The following SLC22A15 variants were observed in gnomAD, a reference collection of about 807,000 sequenced individuals.
SLC22A15 encodes solute carrier family 22 member 15.
Under a neutral mutation model 62.7 loss-of-function variants are expected in SLC22A15, and 45 were observed. The observed-to-expected ratio is 0.72, with a 90% CI of 0.56 to 0.92. The LOEUF is 0.92. Among genes scored for constraint, SLC22A15 ranks in the 40% least tolerant of loss-of-function variants. SLC22A15 has a pLI of 0.00. For synonymous variants in SLC22A15, 264 were observed against 267.0 expected (o/e 0.99, Z 0.11); for missense variants, 622 against 665.6 (o/e 0.93, Z 0.72).
Position 116,066,583 on chromosome 1 carries a change from C to T in SLC22A15, c.1429C>T (p.Leu477=). Residue 477 remains leucine (L), a synonymous_variant, in exon 11 of 12, where the codon CTG becomes TTG. Transcript: ENST00000369503. ...AGCCACGGGTCTGACCTCCGGCCTCCTGAGTTTGTTATTGCCGGAGACCCT... is the reference window on the plus strand; with the variant it reads ...AGCCACGGGTCTGACCTCCGGCCTCTTGAGTTTGTTATTGCCGGAGACCCT... ...FGATGLTSGL[L]SLLLPETLNS... is the part of the protein sequence containing the mutation. 6.2e-7 allele frequency: 1 copy of T among 1,608,460 alleles called. No homozygotes were observed. Among genetic ancestry groups the T allele is most frequent in the South Asian group, 1.1e-5 (1 of 89,818 alleles).
intron 8 of SLC22A15, among the ~76,000 whole-genome samples, chr1:116,055,304 G>T (rs1419234230): frequency 1.3e-5 from 2 of 152,148 alleles, no homozygotes; most frequent in African/African-American, 4.8e-5. Flanking sequence ...AGAAAATCTA[G>T]AAGAAATGGA....
At chr1:116,026,855 T>C in intron 4 of SLC22A15, 38 bp from the exon 5 acceptor site, 1 of 1,607,678 alleles carries the variant, frequency 6.2e-7, no homozygotes, top group Non-Finnish European at 8.5e-7. Flanking sequence ...CTGCAGATGG[T>C]GCTTTCTCCA....
In SLC22A15 at chr1:115,997,401, A is replaced by T. The variant is rs576276962; in HGVS notation, c.300+5158A>T. On this transcript the variant is annotated intron_variant, in intron 2 of 11. Transcript: ENST00000369503. The stretch of plus-strand genomic sequence containing the variant: ...GTAGATTGCTTTGGGTAGAATGGAC[A>T]TTTTAACAATATTGATTCTTCCAAT... Among the ~76,000 whole-genome samples the T allele has an allele frequency of 3.9e-5, 6 of 152,272 alleles. No individual in the cohort carries two copies. In the South Asian group the frequency reaches 6.2e-4, roughly 16 times the overall value.
At position 116,069,961 on chromosome 1, in the gene SLC22A15, T is replaced by C. The variant is rs1407089346; in HGVS notation, c.*2853T>C. On this transcript the variant is annotated 3_prime_UTR_variant, in exon 12 of 12. Transcript: ENST00000369503. The stretch of plus-strand genomic sequence containing the variant: ...AAATGCTTTATCATTGGTTCTTAAA[T>C]TGGAAAAATATCTATAAATGATTAC... 6.6e-6 allele frequency: 1 copy of C among 152,194 alleles called. No individual in the cohort carries two copies. Among genetic ancestry groups the C allele is most frequent in the African/African-American group, 2.4e-5 (1 of 41,462 alleles). 9.4% of individuals were successfully genotyped at this position (152,194 alleles called of 1,614,324 possible). A position where few individuals can be genotyped will look rare whatever the true frequency, so the allele number is the denominator to read the frequency against.
In SLC22A15 at chr1:116,031,242, A is replaced by G. The variant is rs1570752457; in HGVS notation, c.729-124A>G. On this transcript the variant is annotated intron_variant, in intron 5 of 11. Transcript: ENST00000369503. The stretch of plus-strand genomic sequence containing the variant: ...TTTCATATGTTATTGGGAGAGTCAA[A>G]CTTTAAGTCTAACATGGAATCCCAT... 8 of 697,534 alleles carry G rather than the reference A, an allele frequency of 1.1e-5. No homozygotes were observed. The East Asian group carries it at 1.9e-4, about 17-fold the overall frequency. The allele number at this position is 697,534 out of a possible 1,614,324, so 43.2% of individuals were successfully genotyped here.
At chr1:116,059,252 C>T (rs2101562107) in intron 8 of SLC22A15, among the ~76,000 whole-genome samples, 1 of 152,228 alleles carries the variant, frequency 6.6e-6, no homozygotes, top group South Asian at 2.1e-4. Context: ...ATGGTATAGA[C>T]ACTTCAGAAA....
intron 2 of SLC22A15, 30 bp from the exon 3 acceptor site, chr1:116,019,552 A>G: frequency 1.3e-6 from 2 of 1,572,388 alleles, no homozygotes; most frequent in Non-Finnish European, 1.7e-6. Flanking sequence ...TGAATCCTAC[A>G]TGTCTCTCTT....
At chr1:116,018,844 G>A (rs2101302088) in intron 2 of SLC22A15, among the ~76,000 whole-genome samples, 1 of 152,288 alleles carries the variant, frequency 6.6e-6, no homozygotes, top group Non-Finnish European at 1.5e-5. Context: ...ATGGATACTA[G>A]AACTTATTCT....
chr1:116,060,688 T>C lies in SLC22A15; in HGVS notation c.1172-2074T>C, dbSNP rs529624569. On this transcript the variant is annotated intron_variant, in intron 8 of 11. Transcript: ENST00000369503. ...CTCATTCTGTTTCCTGGAAAATAAT[T>C]GATGAATTTAATTTGCCCTCATTAT... 5.3e-3 allele frequency among the ~76,000 whole-genome samples: 810 copies of C among 152,316 alleles called. 2 individuals carry two copies. Among genetic ancestry groups the C allele is most frequent in the Middle Eastern group, 0.01 (3 of 294 alleles).
At chr1:116,034,231 T>C (rs952959172) in intron 6 of SLC22A15, among the ~76,000 whole-genome samples, 1 of 152,226 alleles carries the variant, frequency 6.6e-6, no homozygotes, top group African/African-American at 2.4e-5. Context: ...ACCAAACATA[T>C]TCATATTTTT....
At chr1:115,979,784 C>G (rs533407117) in intron 1 of SLC22A15, among the ~76,000 whole-genome samples, 26 of 152,166 alleles carry the variant, frequency 1.7e-4, no homozygotes, top group Admixed American at 1.6e-3. Flanking sequence ...CTTCTTTGTT[C>G]TAAGCCAGAG....
intron 8 of SLC22A15, among the ~76,000 whole-genome samples, chr1:116,054,591 A>C (rs1658152113): frequency 6.6e-6 from 1 of 152,174 alleles, no homozygotes; most frequent in Non-Finnish European, 1.5e-5. Context: ...ACCCCAAATC[A>C]ACAGAATATA....
chr1:116,062,681 T>C, intron 8 of SLC22A15, 81 bp from the exon 9 acceptor site: 1 of 1,544,046 alleles, frequency 6.5e-7, no homozygotes, highest in Admixed American at 1.7e-5. Flanking sequence ...GAATGCCACC[T>C]GCTCCATCAA....
At chr1:116,006,008 GCT>G (rs1212335779) in intron 2 of SLC22A15, among the ~76,000 whole-genome samples, 8 of 152,160 alleles carry the variant, frequency 5.3e-5, no homozygotes, top group Admixed American at 3.3e-4. Flanking sequence ...TGGCGAATGG[GCT>G]CTCTGAAGAG....
chr1:115,979,579 C>T lies in SLC22A15; in HGVS notation c.87+2865C>T, dbSNP rs574896734. Among the ~76,000 whole-genome samples the T allele has an allele frequency of 1.4e-4, 22 of 152,280 alleles. 1 individual carries two copies. The South Asian group carries it at 2.9e-3, about 20-fold the overall frequency. On this transcript the variant is annotated intron_variant, in intron 1 of 11. Transcript: ENST00000369503. ...CTCTCCCTAGGATCAGAGCTATCTG[C>T]GATATTTAAATAGGAATAATTCTAT...
chr1:116,052,668 G>C (rs999212450), intron 8 of SLC22A15, among the ~76,000 whole-genome samples: 19 of 152,214 alleles, frequency 1.2e-4, no homozygotes, highest in Non-Finnish European at 2.2e-4. Context: ...AGTGGGGGCA[G>C]ACTGACACCT....
Position 116,037,365 on chromosome 1 carries a change from T to G in SLC22A15, c.1148T>G (p.Val383Gly), listed in dbSNP as rs548032909. 9.3e-6 allele frequency: 15 copies of G among 1,613,236 alleles called. No individual in the cohort carries two copies. The South Asian group carries it at 1.6e-4, about 18-fold the overall frequency. ...LCLGGLACLI[V>G]MFLPEKKDTG... Reference sequence around the variant, plus strand: ...CTAGGAGGACTGGCTTGTCTTATTGTAATGTTTCTTCCAGAAAAGAAAGGT... The same window carrying G: ...CTAGGAGGACTGGCTTGTCTTATTGGAATGTTTCTTCCAGAAAAGAAAGGT... The change falls in exon 8 of 12, where the codon GTA becomes GGA. Residue 383 changes from valine (V) to glycine (G), a missense_variant. By Grantham distance (109) the Val-to-Gly change is moderately radical. Transcript: ENST00000369503.
intron 8 of SLC22A15, among the ~76,000 whole-genome samples, chr1:116,051,517 G>A (rs745956500): frequency 3.3e-5 from 5 of 152,164 alleles, no homozygotes; most frequent in Non-Finnish European, 7.3e-5. Context: ...CCACATGTAG[G>A]AGAATGAAAT....
At chr1:116,001,663 C>A (rs1415319405) in intron 2 of SLC22A15, among the ~76,000 whole-genome samples, 1 of 151,920 alleles carries the variant, frequency 6.6e-6, no homozygotes, top group African/African-American at 2.4e-5. Flanking sequence ...TTTTTCAGCT[C>A]CAGAATTTCT....
Sources: gnomAD v4.1 joint callset for allele counts (sites outside exome capture counted in the v4.1 genomes callset) on GRCh38, gnomAD v4.1.1 for gene constraint, MANE v1.5 for transcripts, NCBI Gene and HGNC (gene_info 2026-07-23, HGNC 2026-07-21) for gene names.